The following NPHP4 variants were observed in gnomAD, a reference collection of about 807,000 sequenced individuals.
NPHP4 encodes the protein nephrocystin 4, also known as nephrocystin-4.
In NPHP4, 151 loss-of-function variants were observed where a neutral mutation model predicts 155.8. The observed-to-expected ratio is 0.97, with a 90% confidence interval of 0.85 to 1.11. The LOEUF (loss-of-function observed/expected upper bound fraction) is 1.11, where lower values mean the gene tolerates loss of function less well. Ranked by LOEUF, NPHP4 falls within the 50% of genes least tolerant of loss-of-function variation. The pLI is 0.00. For missense variants in NPHP4, 1,956 were observed against 1,925.7 expected (o/e 1.02, Z -0.29); for synonymous variants, 845 against 816.8 (o/e 1.03, Z -0.59).
chr1:5,983,272 C>A (rs975693621), intron 2 of NPHP4, among the ~76,000 whole-genome samples: 8 of 152,136 alleles, frequency 5.3e-5, no homozygotes, highest in Admixed American at 2.0e-4. Context: ...TCAGAACAGA[C>A]CTTACTGTTA....
At chr1:5,967,399 C>G in intron 4 of NPHP4, 36 bp from the exon 5 acceptor site, 1 of 1,540,994 alleles carries the variant, frequency 6.5e-7, no homozygotes, top group Non-Finnish European at 8.9e-7. Context: ...TCGTCAGCCA[C>G]GTGCGCACTT....
chr1:5,926,306 T>C (rs1160908621), intron 11 of NPHP4, among the ~76,000 whole-genome samples: 1 of 152,204 alleles, frequency 6.6e-6, no homozygotes, highest in East Asian at 1.9e-4. Context: ...ACTATTAAGT[T>C]TTGGTACCGG....
chr1:5,868,186 G>A (rs766760730), intron 23 of NPHP4: 9 of 488,756 alleles, frequency 1.8e-5, no homozygotes, highest in Admixed American at 8.5e-5. Flanking sequence ...AAATGCCAGT[G>A]GAGAAGGTCT....
At chr1:5,919,092 C>T (rs147524326) in intron 11 of NPHP4, among the ~76,000 whole-genome samples, 16 of 152,320 alleles carry the variant, frequency 1.1e-4, no homozygotes, top group African/African-American at 2.6e-4. Flanking sequence ...ATTAACGTAT[C>T]GCCTATATAT....
chr1:5,887,408 G>A lies in NPHP4; in HGVS notation c.2363C>T (p.Ala788Val), dbSNP rs1246292953. 2 of 1,613,326 alleles carry A rather than the reference G, an allele frequency of 1.2e-6. No homozygotes were observed. Among genetic ancestry groups the A allele is most frequent in the South Asian group, 2.2e-5 (2 of 91,090 alleles). Residue 788 changes from alanine (A) to valine (V), a missense_variant, in exon 18 of 30, where the codon GCA (alanine) becomes GTA (valine). Ala to Val is a moderately conservative substitution (Grantham distance 64, BLOSUM62 0). Transcript: ENST00000378156. ...CATGTTGTCCTGCTCGTATTCAGTT[G>A]CCACGACCTCAAGCTCGTGGGAGGC... ...VQASHELEVV[A>V]TEYEQDNMVV...
At position 5,967,317 on chromosome 1, in the gene NPHP4, G is replaced by T. The variant is rs1245756302; in HGVS notation, c.499C>A (p.Leu167Ile). The change falls in exon 5 of 30, where the codon CTC (leucine) becomes ATC (isoleucine). Residue 167 changes from leucine (L) to isoleucine (I), a missense_variant. By Grantham distance (5) the Leu-to-Ile change is conservative (BLOSUM62 2). Coordinates refer to ENST00000378156, the MANE Select transcript of NPHP4 (RefSeq NM_015102.5). The stretch of plus-strand genomic sequence containing the variant: ...CTCTTACGCTCTGCGGGGTCCTGGA[G>T]AAGCGGGTGCAGGAGGGCTCTGGGG... Reference protein sequence around the residue: ...GTPRALLHPLLQDPAEQNRHM... With the variant: ...GTPRALLHPLIQDPAEQNRHM... 2 of 1,606,582 alleles carry T rather than the reference G, an allele frequency of 1.2e-6. No individual in the cohort carries two copies. The highest frequency in any genetic ancestry group is 2.2e-5 in the South Asian group (2 of 88,948).
At chr1:5,873,071 G>A (rs931921936) in intron 23 of NPHP4, among the ~76,000 whole-genome samples, 181 bp downstream of exon 23, 1 of 152,142 alleles carries the variant, frequency 6.6e-6, no homozygotes. Context: ...CTGTGCCAGC[G>A]CCCAGACGGA....
intron 13 of NPHP4, among the ~76,000 whole-genome samples, chr1:5,906,558 T>C (rs920278550): frequency 3.4e-4 from 51 of 152,228 alleles, no homozygotes; most frequent in African/African-American, 1.2e-3. Flanking sequence ...AACAAGGAAT[T>C]AAAAGAAACT....
chr1:5,927,480 C>G (rs896538530), intron 11 of NPHP4, among the ~76,000 whole-genome samples, 169 bp downstream of exon 11: 2 of 152,212 alleles, frequency 1.3e-5, no homozygotes, highest in Non-Finnish European at 2.9e-5. Context: ...TCCAATTCTA[C>G]ACCTTGGTAT....
Position 5,977,345 on chromosome 1 carries a change from C to T in NPHP4, c.279+925G>A, listed in dbSNP as rs529829137. Among the ~76,000 whole-genome samples, 5 of 152,206 alleles carry T rather than the reference C, an allele frequency of 3.3e-5. No individual in the cohort carries two copies. The East Asian group carries it at 9.7e-4, about 30-fold the overall frequency. ...GTCTCCCTGCTCTGCTTGAAGCAGC[C>T]TCGTCCCTGCTTGTCACGGAGTCAG... is the stretch of plus-strand genomic sequence containing the variant. On this transcript the variant is annotated intron_variant, in intron 3 of 29. Coordinates refer to ENST00000378156, the MANE Select transcript of NPHP4 (RefSeq NM_015102.5).
Position 5,880,149 on chromosome 1 carries a change from G to A in NPHP4, c.2576C>T (p.Ser859Phe). The change falls in exon 19 of 30, where the codon TCT becomes TTT. Residue 859 changes from serine (S) to phenylalanine (F), a missense_variant. Transcript: ENST00000378156. ...TCCAGTCGTGAGGAGGCTGCCTCCA[G>A]AGAAGCGGCTGGCTCCATCGTTTGA... ...VISNDGASRF[S>F]GGSLLTTGSS... 6.2e-7 allele frequency: 1 copy of A among 1,613,726 alleles called. No individual in the cohort carries two copies. Among genetic ancestry groups the A allele is most frequent in the Non-Finnish European group, 8.5e-7 (1 of 1,179,772 alleles).
chr1:5,870,855 A>C (rs938874246), intron 23 of NPHP4, among the ~76,000 whole-genome samples: 2 of 152,202 alleles, frequency 1.3e-5, no homozygotes, highest in Non-Finnish European at 2.9e-5. Flanking sequence ...TGTGCACTTC[A>C]CAACAGCTGC....
At chr1:5,922,716 ACGGTGG>A (rs1385729271) in intron 11 of NPHP4, among the ~76,000 whole-genome samples, 101 of 150,488 alleles carry the variant, frequency 6.7e-4, no homozygotes, top group African/African-American at 2.2e-3. Flanking sequence ...TTAGCCGGGC[ACGGTGG>A]CACTGCCTGC....
Position 5,864,365 on chromosome 1 carries a change from G to A in NPHP4, c.3969C>T (p.Leu1323=), listed in dbSNP as rs779384355. Residue 1323 remains leucine (L), a synonymous_variant, in exon 28 of 30, where the codon CTC becomes CTT. Transcript: ENST00000378156. ...TGGAGATGAGCGGCTGGCGGCAGCA[G>A]AGGCACACGAGCCAGGAGGCCACCA... ...HQLVASWLVC[L]CCRQPLISKA... 2 of 1,609,088 alleles carry A rather than the reference G, an allele frequency of 1.2e-6. No homozygotes were observed. Among genetic ancestry groups the A allele is most frequent in the South Asian group, 1.1e-5 (1 of 90,756 alleles).
At chr1:5,919,720 G>C (rs892819382) in intron 11 of NPHP4, among the ~76,000 whole-genome samples, 7 of 152,014 alleles carry the variant, frequency 4.6e-5, no homozygotes, top group African/African-American at 1.4e-4. Flanking sequence ...GGCCAGCTGT[G>C]TTTGTTTGTT....
intron 1 of NPHP4, among the ~76,000 whole-genome samples, 175 bp downstream of exon 1, chr1:5,992,069 C>T (rs1656460788): frequency 6.6e-6 from 1 of 150,902 alleles, no homozygotes; most frequent in South Asian, 2.1e-4. Flanking sequence ...CAGCCCCCGC[C>T]GCGCGCCACC....
chr1:5,898,044 C>T (rs192631847), intron 16 of NPHP4, among the ~76,000 whole-genome samples: 186 of 152,290 alleles, frequency 1.2e-3, no homozygotes, highest in African/African-American at 4.3e-3. Context: ...CTAGGTGGCC[C>T]GGAGCAGGAC....
rs770678991 is a variant in NPHP4 at position 5,864,549 on chromosome 1, A to AG, written c.3817-33dup. 3.7e-5 allele frequency: 55 copies of AG among 1,478,140 alleles called. No homozygotes were observed. The East Asian group carries it at 1.3e-3, about 35-fold the overall frequency. 91.6% of individuals were successfully genotyped at this position (1,478,140 alleles called of 1,614,324 possible). A position where few individuals can be genotyped will look rare whatever the true frequency, so the allele number is the denominator to read the frequency against. ...GAGCGAGAGAGGCGGGTCAGAGCAC[A>AG]GCCTCTCAGGATGTGCAAGCAAGGG... On this transcript the variant is annotated intron_variant, in intron 27 of 29. Coordinates refer to ENST00000378156, the MANE Select transcript of NPHP4 (RefSeq NM_015102.5).
chr1:5,888,512 G>GTCTACA, intron 17 of NPHP4: 1 of 1,295,394 alleles, frequency 7.7e-7, no homozygotes, highest in South Asian at 1.3e-5. Flanking sequence ...GACCCTGGTC[G>GTCTACA]CTTTGCCACA....
Sources: gnomAD v4.1 joint callset for allele counts (sites outside exome capture counted in the v4.1 genomes callset) on GRCh38, gnomAD v4.1.1 for gene constraint, MANE v1.5 for transcripts, NCBI Gene and HGNC (gene_info 2026-07-23, HGNC 2026-07-21) for gene names.